Variants in LEFTY1 observed in about 807,000 individuals in gnomAD.
LEFTY1 encodes the protein left-right determination factor 1.
Under a neutral mutation model 22.6 loss-of-function variants are expected in LEFTY1, and 18 were observed. The ratio of observed to expected loss-of-function variants is 0.80; its 90% CI spans 0.55 to 1.18. LEFTY1 has a LOEUF of 1.18. LEFTY1 is among the 50% of genes most tolerant of loss of function. The probability of loss-of-function intolerance (pLI) is 0.00; values close to 1 mark genes in which losing one functional copy is unlikely to be tolerated. For synonymous variants in LEFTY1, 201 were observed against 231.5 expected (o/e 0.87, Z 1.20); for missense variants, 414 against 495.4 (o/e 0.84, Z 1.56).
chr1:225,888,725 C>T, intron 1 of LEFTY1, 92 bp downstream of exon 1: 2 of 1,551,904 alleles, frequency 1.3e-6, no homozygotes, highest in African/African-American at 1.4e-5. Flanking sequence ...TCCCACAGAC[C>T]TCTGCAAGGC....
chr1:225,888,999 G>T lies in LEFTY1; in HGVS notation c.68C>A (p.Thr23Asn). The T allele has an allele frequency of 1.9e-6, 3 of 1,566,012 alleles. No individual in the cohort carries two copies. Among genetic ancestry groups the T allele is most frequent in the Non-Finnish European group, 2.6e-6 (3 of 1,156,384 alleles). ...LPLASPGAAL[T>N]GEQLLGSLLR... is the part of the protein sequence containing the mutation. ...CAGGCTGCCCAGGAGCTGCTCCCCGGTCAGGGCGGCCCCGGGGCTGGCCAG... is the reference window on the plus strand; with the variant it reads ...CAGGCTGCCCAGGAGCTGCTCCCCGTTCAGGGCGGCCCCGGGGCTGGCCAG... The change falls in exon 1 of 4, where the codon ACC (threonine) becomes AAC (asparagine). Residue 23 changes from threonine to asparagine, a missense_variant. By Grantham distance (65) the Thr-to-Asn change is moderately conservative. This residue lies in a region of LEFTY1 where 398 missense variants were observed against 454.7 expected (regional missense o/e 0.88). Coordinates refer to ENST00000272134, the MANE Select transcript of LEFTY1 (RefSeq NM_020997.4).
In LEFTY1 at chr1:225,887,873, G is replaced by A. The variant is rs551292616; in HGVS notation, c.410C>T (p.Ser137Phe). 6.5e-7 allele frequency: 1 copy of A among 1,532,264 alleles called. No individual in the cohort carries two copies. Among genetic ancestry groups the A allele is most frequent in the East Asian group, 2.5e-5 (1 of 40,736 alleles). The allele number at this position is 1,532,264 out of a possible 1,614,324, so 94.9% of individuals were successfully genotyped here. ...KAALHRHGRL[S>F]PRSARARVTV... The stretch of plus-strand genomic sequence containing the variant: ...CACCCGGGCCCGGGCGCTGCGCGGG[G>A]ACAGCCGCCCGTGCCTGTGCAGCGC... The change falls in exon 2 of 4, where the codon TCC becomes TTC. Residue 137 changes from serine (S) to phenylalanine (F), a missense_variant. This residue lies in a region of LEFTY1 where 398 missense variants were observed against 454.7 expected (regional missense o/e 0.88). Transcript: ENST00000272134.
rs766057336 is a variant in LEFTY1 at position 225,887,766 on chromosome 1, C to A, written c.497+20G>T. The A allele has an allele frequency of 2.9e-5, 45 of 1,546,644 alleles. 1 individual carries two copies. The African/African-American group carries it at 4.1e-4, about 14-fold the overall frequency. On this transcript the variant is annotated intron_variant, in intron 2 of 3. Transcript: ENST00000272134. ...CTAGCAGCGCCCTCCCCCTACCCTG[C>A]GCGCCCCCGCGACCCCCACCTGGAG...
In LEFTY1 at chr1:225,886,426, A is replaced by C; in HGVS notation, c.*301T>G. The C allele has an allele frequency of 6.8e-6, 3 of 439,632 alleles. No homozygotes were observed. The highest frequency in any genetic ancestry group is 1.2e-5 in the Non-Finnish European group (3 of 248,364). The allele number at this position is 439,632 out of a possible 1,614,324, so 27.2% of individuals were successfully genotyped here. A position where few individuals can be genotyped will look rare whatever the true frequency, so the allele number is the denominator to read the frequency against. ...GATCCAGTGACAGGACAAGTAAACA[A>C]TGACACATTGGGCTTTCTGCCCTCA... is the stretch of plus-strand genomic sequence containing the variant. On this transcript the variant is annotated 3_prime_UTR_variant, in exon 4 of 4. Transcript: ENST00000272134.
At position 225,888,804 on chromosome 1, in the gene LEFTY1, G is replaced by A. The variant is rs1671338806; in HGVS notation, c.250+13C>T. On this transcript the variant is annotated intron_variant, in intron 1 of 3. Coordinates refer to ENST00000272134, the MANE Select transcript of LEFTY1 (RefSeq NM_020997.4). Reference sequence around the variant, plus strand: ...CCCATGGGACCAGGGGCAGCAGGGAGGGAGGGCCTCACCTCGGAAGCTCTG... The same window carrying A: ...CCCATGGGACCAGGGGCAGCAGGGAAGGAGGGCCTCACCTCGGAAGCTCTG... The A allele has an allele frequency of 6.2e-7, 1 of 1,612,834 alleles. No individual in the cohort carries two copies. The highest frequency in any genetic ancestry group is 1.3e-5 in the African/African-American group (1 of 74,928).
In LEFTY1 at chr1:225,886,907, C is replaced by A. The variant is rs1189662048; in HGVS notation, c.921G>T (p.Lys307Asn). 7 of 1,613,858 alleles carry A rather than the reference C, an allele frequency of 4.3e-6. No individual in the cohort carries two copies. The highest frequency in any genetic ancestry group is 3.3e-5 in the Admixed American group (2 of 60,002). The part of the protein sequence containing the change: ...CRQPPEALAF[K>N]WPFLGPRQCI... ...ACTGTCGAGGCCCCAGAAACGGCCACTTGAAGGCCAGGGCCTCCGGGGGCT... is the reference window on the plus strand; with the variant it reads ...ACTGTCGAGGCCCCAGAAACGGCCAATTGAAGGCCAGGGCCTCCGGGGGCT... The change falls in exon 4 of 4, where the codon AAG becomes AAT. Residue 307 changes from lysine (K) to asparagine (N), a missense_variant. By Grantham distance (94) the Lys-to-Asn change is moderately conservative. Transcript: ENST00000272134.
At chr1:225,888,684 C>A (rs1194003792) in intron 1 of LEFTY1, 133 bp downstream of exon 1, 16 of 1,244,204 alleles carry the variant, frequency 1.3e-5, no homozygotes, top group Non-Finnish European at 1.3e-5. Context: ...CCCCACCTCA[C>A]TGCCCCTTAG....
In LEFTY1 at chr1:225,887,630, G is replaced by C; in HGVS notation, c.506C>G (p.Ser169Cys). Residue 169 changes from serine (S) to cysteine (C), a missense_variant, in exon 3 of 4, where the codon TCC becomes TGC. Physicochemically the swap from Ser to Cys is moderately radical, Grantham distance 112 (BLOSUM62 -1). Coordinates refer to ENST00000272134, the MANE Select transcript of LEFTY1 (RefSeq NM_020997.4). Reference sequence around the variant, plus strand: ...GGCCTTCCAGCCGCTCTCGTGGACGGACACCAGCCTGAGACATGACACAGA... The same window carrying C: ...GGCCTTCCAGCCGCTCTCGTGGACGCACACCAGCCTGAGACATGACACAGA... ...RTSLIDSRLV[S>C]VHESGWKAFD... is the part of the protein sequence containing the mutation. 1 of 1,612,316 alleles carries C rather than the reference G, an allele frequency of 6.2e-7. No individual in the cohort carries two copies. Among genetic ancestry groups the C allele is most frequent in the South Asian group, 1.1e-5 (1 of 91,080 alleles).
Position 225,888,991 on chromosome 1 carries a change from G to T in LEFTY1, c.76C>A (p.Gln26Lys), listed in dbSNP as rs2102658305. The T allele has an allele frequency of 7.0e-6, 11 of 1,579,212 alleles. No homozygotes were observed. Among genetic ancestry groups the T allele is most frequent in the Non-Finnish European group, 8.6e-6 (10 of 1,162,708 alleles). Reference sequence around the variant, plus strand: ...TGCCGCAGCAGGCTGCCCAGGAGCTGCTCCCCGGTCAGGGCGGCCCCGGGG... The same window carrying T: ...TGCCGCAGCAGGCTGCCCAGGAGCTTCTCCCCGGTCAGGGCGGCCCCGGGG... ...ASPGAALTGEQLLGSLLRQLQ... is the reference protein window; with the variant it reads ...ASPGAALTGEKLLGSLLRQLQ... Residue 26 changes from glutamine (Q) to lysine (K), a missense_variant, in exon 1 of 4, where the codon CAG becomes AAG. By Grantham distance (53) the Gln-to-Lys change is moderately conservative. Around this residue, in one of 2 missense-constraint regions of LEFTY1, gnomAD observed 398 missense variants for 454.7 expected, o/e 0.88. Coordinates refer to ENST00000272134, the MANE Select transcript of LEFTY1 (RefSeq NM_020997.4).
chr1:225,888,532 T>C (rs1338565438), intron 1 of LEFTY1, among the ~76,000 whole-genome samples: 1 of 152,224 alleles, frequency 6.6e-6, no homozygotes, highest in Non-Finnish European at 1.5e-5. Context: ...CAGTTCCATG[T>C]GAGCAAATGG....
In LEFTY1 at chr1:225,889,068, G is replaced by A. The variant is rs779178175; in HGVS notation, c.-2C>T. 1.1e-4 allele frequency: 161 copies of A among 1,464,494 alleles called. No individual in the cohort carries two copies. Among genetic ancestry groups the A allele is most frequent in the Non-Finnish European group, 1.3e-4 (143 of 1,112,066 alleles). The allele number at this position is 1,464,494 out of a possible 1,614,324, so 90.7% of individuals were successfully genotyped here. A position where few individuals can be genotyped will look rare whatever the true frequency, so the allele number is the denominator to read the frequency against. On this transcript the variant is annotated 5_prime_UTR_variant, in exon 1 of 4. Coordinates refer to ENST00000272134, the MANE Select transcript of LEFTY1 (RefSeq NM_020997.4). ...CCAGCAGAGCCACAGGGGCTGCATG[G>A]TGCTGCCCTGGAGGAGCAAGAGGCA...
chr1:225,887,195 G>A (rs970593730), intron 3 of LEFTY1, 105 bp from the exon 4 acceptor site: 4 of 1,481,656 alleles, frequency 2.7e-6, no homozygotes, highest in Non-Finnish European at 3.6e-6. Flanking sequence ...CAAAAAGCTG[G>A]ATGTTTGTGA....
intron 3 of LEFTY1, 140 bp from the exon 4 acceptor site, chr1:225,887,230 C>T: frequency 6.8e-7 from 1 of 1,472,604 alleles, no homozygotes; most frequent in Non-Finnish European, 9.0e-7. Flanking sequence ...CTAGAAATAA[C>T]TTGAAAATTA....
In LEFTY1 at chr1:225,888,755, C is replaced by T. The variant is rs1458014150; in HGVS notation, c.250+62G>A. On this transcript the variant is annotated intron_variant, in intron 1 of 3. Coordinates refer to ENST00000272134, the MANE Select transcript of LEFTY1 (RefSeq NM_020997.4). The stretch of plus-strand genomic sequence containing the variant: ...CAAGGCCAGGAGCCCTTTGACACCA[C>T]CGGAGTGGGCACATCTGACCTGCCC... The T allele has an allele frequency of 3.1e-6, 5 of 1,604,824 alleles. No homozygotes were observed. In the African/African-American group the frequency reaches 4.0e-5, roughly 13 times the overall value.
At chr1:225,888,780 C>G in intron 1 of LEFTY1, 37 bp downstream of exon 1, 1 of 1,611,970 alleles carries the variant, frequency 6.2e-7, no homozygotes, top group African/African-American at 1.3e-5. Context: ...CTGACCTGCC[C>G]CATGGGACCA....
chr1:225,887,088 G>A lies in LEFTY1; in HGVS notation c.740C>T (p.Ala247Val), dbSNP rs1412385165. The change falls in exon 4 of 4, where the codon GCT (alanine) becomes GTT (valine). Residue 247 changes from alanine (A) to valine (V), a missense_variant and splice_region_variant. Transcript: ENST00000272134. Reference sequence around the variant, plus strand: ...TGCTTCAGGGTCACAGTCGCCCTGAGCTCTGTGTGGGCAAAGAGAGCAGGG... The same window carrying A: ...TGCTTCAGGGTCACAGTCGCCCTGAACTCTGTGTGGGCAAAGAGAGCAGGG... Reference protein sequence around the residue: ...LHTLDLGDYGAQGDCDPEAPM... With the variant: ...LHTLDLGDYGVQGDCDPEAPM... The A allele has an allele frequency of 1.2e-6, 2 of 1,600,078 alleles. No individual in the cohort carries two copies. Among genetic ancestry groups the A allele is most frequent in the Non-Finnish European group, 1.7e-6 (2 of 1,173,864 alleles).
chr1:225,888,491 G>C (rs549094324), intron 1 of LEFTY1, among the ~76,000 whole-genome samples: 4 of 152,302 alleles, frequency 2.6e-5, no homozygotes, highest in East Asian at 1.9e-4. Context: ...TGTTCACAAT[G>C]CTGGAAGATG....
chr1:225,888,785 G>A, intron 1 of LEFTY1, 32 bp downstream of exon 1: 1 of 1,612,154 alleles, frequency 6.2e-7, no homozygotes, highest in Non-Finnish European at 8.5e-7. Context: ...CTGCCCCATG[G>A]GACCAGGGGC....
rs760874015 is a variant in LEFTY1, at chr1:225,887,951, C to G, written c.332G>C (p.Ser111Thr). The G allele has an allele frequency of 1.3e-5, 21 of 1,573,834 alleles. 2 individuals carry two copies. The highest frequency in any genetic ancestry group is 1.7e-5 in the Non-Finnish European group (20 of 1,170,624). The change falls in exon 2 of 4, where the codon AGC (serine) becomes ACC (threonine). Residue 111 changes from serine to threonine, a missense_variant. By Grantham distance (58) the Ser-to-Thr change is moderately conservative (BLOSUM62 1). This residue lies in a region of LEFTY1 where 398 missense variants were observed against 454.7 expected (regional missense o/e 0.88). Transcript: ENST00000272134. ...FGMEQRLPPN[S>T]ELVQAVLRLF... Reference sequence around the variant, plus strand: ...CCGCAGCACGGCCTGCACCAGCTCGCTGTTGGGCGGCAGCCGCTGCTCCAT... The same window carrying G: ...CCGCAGCACGGCCTGCACCAGCTCGGTGTTGGGCGGCAGCCGCTGCTCCAT...
Sources: gnomAD v4.1 joint callset for allele counts (sites outside exome capture counted in the v4.1 genomes callset) on GRCh38, gnomAD v4.1.1 for gene constraint, gnomAD v4.1.1 regional missense constraint, MANE v1.5 for transcripts, NCBI Gene and HGNC (gene_info 2026-07-23, HGNC 2026-07-21) for gene names.